Variants in KIAA0586 observed in about 807,000 individuals in gnomAD.
KIAA0586 encodes the protein protein TALPID3.
Under a neutral mutation model 169.8 loss-of-function variants are expected in KIAA0586, and 144 were observed. The observed-to-expected ratio is 0.85, with a 90% CI of 0.74 to 0.97. The LOEUF is 0.97. Among genes scored for constraint, KIAA0586 ranks in the 50% least tolerant of loss-of-function variants. The pLI, the probability that KIAA0586 is intolerant of heterozygous loss-of-function variation, is 0.00. For synonymous variants in KIAA0586, 625 were observed against 612.4 expected (o/e 1.02, Z -0.30); for missense variants, 1,854 against 1,823.0 (o/e 1.02, Z -0.31).
At chr14:58,472,154 A>G (rs751014620) in intron 17 of KIAA0586, 45 bp from the exon 18 acceptor site, 1 of 970,760 alleles carries the variant, frequency 1.0e-6, no homozygotes, top group Non-Finnish European at 1.5e-6. Context: ...TATAAATTTT[A>G]AAAGTGTTAA....
chr14:58,441,003 AC>A (rs1032597158), intron 4 of KIAA0586: 3 of 181,454 alleles, frequency 1.7e-5, no homozygotes, highest in African/African-American at 7.1e-5. Flanking sequence ...TGTTCTCATC[AC>A]ATAAAAAGAT....
chr14:58,460,602 C>T (rs1054931537), intron 13 of KIAA0586, among the ~76,000 whole-genome samples: 1 of 152,006 alleles, frequency 6.6e-6, no homozygotes, highest in Non-Finnish European at 1.5e-5. Context: ...GTAAATGCTC[C>T]CTTTCTGTGA....
intron 21 of KIAA0586, among the ~76,000 whole-genome samples, chr14:58,484,904 A>T (rs12434070): frequency 0.013 from 54 of 4,180 alleles, 5 homozygotes; most frequent in East Asian, 0.06. Flanking sequence ...ATATATATAT[A>T]TATATATATA....
At chr14:58,559,876 G>A in the KIAA0586 span, among the ~76,000 whole-genome samples, 3 of 152,130 alleles carry the variant, frequency 2.0e-5, no homozygotes, top group Admixed American at 2.0e-4. Flanking sequence ...GCCCCAGCCG[G>A]GCGCGGTGGC....
intron 27 of KIAA0586, among the ~76,000 whole-genome samples, chr14:58,502,586 A>C (rs1226413224): frequency 6.6e-6 from 1 of 152,162 alleles, no homozygotes; most frequent in African/African-American, 2.4e-5. Flanking sequence ...ACTGGGGGCT[A>C]TCTTGGAGGT....
At chr14:58,492,109 T>G (rs1371516007) in intron 25 of KIAA0586, 35 bp from the exon 26 acceptor site, 7 of 1,445,064 alleles carry the variant, frequency 4.8e-6, no homozygotes, top group Non-Finnish European at 6.4e-6. Context: ...TTCGAAATAA[T>G]TTATTTTTAT....
At chr14:58,434,396 A>G (rs1165140723) in intron 4 of KIAA0586, among the ~76,000 whole-genome samples, 2 of 152,204 alleles carry the variant, frequency 1.3e-5, no homozygotes, top group African/African-American at 2.4e-5. Context: ...TCAAAGAGCA[A>G]TCTCCAAAAG....
intron 29 of KIAA0586, among the ~76,000 whole-genome samples, chr14:58,514,807 T>G (rs764772891): frequency 1.4e-4 from 22 of 152,078 alleles, no homozygotes; most frequent in Admixed American, 2.0e-4. Context: ...GATTAATGTA[T>G]CTAACAGTTT....
intron 6 of KIAA0586, among the ~76,000 whole-genome samples, chr14:58,447,638 AC>A (rs1189747072): frequency 5.3e-5 from 8 of 151,448 alleles, no homozygotes; most frequent in African/African-American, 1.9e-4. Flanking sequence ...CCACCACCAC[AC>A]CCAGCTAATT....
At position 58,539,823 on chromosome 14, in the gene KIAA0586, T is replaced by TCCC. The variant is rs370714476; in HGVS notation, c.4430-241_4430-239dup. 55 of 298,124 alleles carry TCCC rather than the reference T, an allele frequency of 1.8e-4. 1 individual carries two copies. The East Asian group carries it at 2.5e-3, about 14-fold the overall frequency. The allele number at this position is 298,124 out of a possible 1,614,324, so 18.5% of individuals were successfully genotyped here. A position where few individuals can be genotyped will look rare whatever the true frequency, so the allele number is the denominator to read the frequency against. On this transcript the variant is annotated intron_variant, in intron 29 of 30. Transcript: ENST00000652326. ...TCAGATTTTCTCATGACCCTTTGCT[T>TCCC]CCCCCCCCCATCTGTGATGCATAAA... is the stretch of plus-strand genomic sequence containing the variant.
At chr14:58,558,404 A>G in the KIAA0586 span, among the ~76,000 whole-genome samples, 5 of 152,170 alleles carry the variant, frequency 3.3e-5, no homozygotes, top group African/African-American at 1.2e-4. Flanking sequence ...TTGACATTTT[A>G]TGTCCCTTTT....
intron 18 of KIAA0586, among the ~76,000 whole-genome samples, 163 bp downstream of exon 18, chr14:58,472,442 A>T (rs1413058107): frequency 5.3e-5 from 8 of 152,058 alleles, no homozygotes; most frequent in African/African-American, 1.9e-4. Flanking sequence ...TTATTCTAGA[A>T]TGTCTTTAAT....
chr14:58,480,160 C>G (rs2041932142), intron 20 of KIAA0586, among the ~76,000 whole-genome samples: 1 of 151,956 alleles, frequency 6.6e-6, no homozygotes, highest in South Asian at 2.1e-4. Context: ...TATAGGTTGG[C>G]CTTCTTTTGC....
chr14:58,470,749 A>AT (rs1370239328), intron 17 of KIAA0586, 26 bp downstream of exon 17: 1 of 1,106,468 alleles, frequency 9.0e-7, no homozygotes, highest in African/African-American at 1.5e-5. Flanking sequence ...TTATCATATT[A>AT]TTTTGAGTAA....
At chr14:58,507,045 T>C (rs778844043) in intron 27 of KIAA0586, among the ~76,000 whole-genome samples, 31 of 151,434 alleles carry the variant, frequency 2.0e-4, no homozygotes, top group Non-Finnish European at 3.7e-4. Flanking sequence ...CTACTCAGGA[T>C]GCTGAGGTAG....
chr14:58,513,941 G>A (rs561039349), intron 29 of KIAA0586, among the ~76,000 whole-genome samples: 22 of 152,110 alleles, frequency 1.4e-4, no homozygotes, highest in African/African-American at 5.3e-4. Context: ...TATGTGGAAA[G>A]GGTTTACAAC....
chr14:58,437,413 G>T (rs2037918354), intron 4 of KIAA0586, among the ~76,000 whole-genome samples: 1 of 152,046 alleles, frequency 6.6e-6, no homozygotes, highest in Non-Finnish European at 1.5e-5. Flanking sequence ...AGGAGAAAAT[G>T]GAATATAAAG....
intron 20 of KIAA0586, among the ~76,000 whole-genome samples, chr14:58,479,388 G>A (rs1367038474): frequency 6.6e-6 from 1 of 152,118 alleles, no homozygotes; most frequent in Non-Finnish European, 1.5e-5. Context: ...ATATTACTGA[G>A]TATGAAGTTT....
rs202235093 is a variant in KIAA0586 at position 58,508,692 on chromosome 14, G to A, written c.4306G>A (p.Ala1436Thr). 22 of 1,586,830 alleles carry A rather than the reference G, an allele frequency of 1.4e-5. No homozygotes were observed. Among genetic ancestry groups the A allele is most frequent in the East Asian group, 9.1e-5 (4 of 44,116 alleles). ...AAATGATGTTAATTTACCAGTAGCCGCTGAAGATTTTTCCCAGGTACCAAA... is the reference window on the plus strand; with the variant it reads ...AAATGATGTTAATTTACCAGTAGCCACTGAAGATTTTTCCCAGGTACCAAA... ...QENDVNLPVA[A>T]EDFSQYQLKQ... Residue 1436 changes from alanine (A) to threonine (T), a missense_variant, in exon 28 of 31, where the codon GCT becomes ACT. Ala to Thr is a moderately conservative substitution (Grantham distance 58). Transcript: ENST00000652326.
Sources: allele counts gnomAD v4.1 joint callset (sites outside exome capture counted in the v4.1 genomes callset), GRCh38; gene constraint gnomAD v4.1.1; transcripts MANE v1.5; gene names NCBI Gene and HGNC (gene_info 2026-07-23, HGNC 2026-07-21).